The following CTNNA2 variants were observed in gnomAD, a reference collection of about 807,000 sequenced individuals.
CTNNA2 encodes catenin alpha-2.
CTNNA2 carries 42 observed loss-of-function variants against 101.0 expected under a neutral mutation model. That is an observed-to-expected ratio of 0.42 (90% confidence interval 0.32 to 0.54). The LOEUF is 0.54. Among genes scored for constraint, CTNNA2 ranks in the 20% least tolerant of loss-of-function variants. CTNNA2 has a pLI of 0.14. For synonymous variants in CTNNA2, 450 were observed against 456.4 expected (o/e 0.99, Z 0.18); for missense variants, 871 against 1,223.1 (o/e 0.71, Z 4.29).
intron 7 of CTNNA2, among the ~76,000 whole-genome samples, chr2:80,004,106 T>C (rs904807678): frequency 4.6e-5 from 7 of 152,200 alleles, no homozygotes; most frequent in Non-Finnish European, 7.3e-5. Context: ...AATTTTTTTT[T>C]AATCTCTTTG....
At chr2:80,277,186 G>A (rs1016378849) in intron 7 of CTNNA2, among the ~76,000 whole-genome samples, 4 of 152,014 alleles carry the variant, frequency 2.6e-5, no homozygotes, top group African/African-American at 9.7e-5. Context: ...TCAGGGAGGG[G>A]TGGGGGTGAA....
intron 1 of CTNNA2, among the ~76,000 whole-genome samples, chr2:79,535,723 A>G (rs1431740301): frequency 2.0e-5 from 3 of 152,084 alleles, no homozygotes; most frequent in African/African-American, 7.2e-5. Context: ...GCTTCCAGGG[A>G]CGGGTCAAAT....
intron 14 of CTNNA2, among the ~76,000 whole-genome samples, chr2:80,587,361 C>T (rs1696066680): frequency 6.6e-6 from 1 of 151,878 alleles, no homozygotes; most frequent in Non-Finnish European, 1.5e-5. Flanking sequence ...AAGAAATGAG[C>T]CAGAGGGGTA....
At chr2:79,682,732 A>C (rs1384711200) in intron 2 of CTNNA2, among the ~76,000 whole-genome samples, 1 of 152,066 alleles carries the variant, frequency 6.6e-6, no homozygotes, top group Non-Finnish European at 1.5e-5. Flanking sequence ...GTGCTTTGGT[A>C]TTTTTTATTT....
chr2:80,409,224 T>C (rs189354851), intron 8 of CTNNA2, among the ~76,000 whole-genome samples: 2 of 139,988 alleles, frequency 1.4e-5, no homozygotes, highest in Admixed American at 1.4e-4. Context: ...CTGGGCTAAG[T>C]TAGACATTGG....
At chr2:80,126,431 CT>C (rs1339304305) in intron 7 of CTNNA2, among the ~76,000 whole-genome samples, 4 of 151,804 alleles carry the variant, frequency 2.6e-5, no homozygotes, top group African/African-American at 9.7e-5. Context: ...TCTCTTTGCT[CT>C]AAATCTCTTA....
At position 79,447,770 on chromosome 2, in the gene CTNNA2, CAGCTCACAAT is replaced by C. The variant is rs963331046; in HGVS notation, c.-134-57282_-134-57273del. Among the ~76,000 whole-genome samples the C allele has an allele frequency of 5.3e-5, 8 of 152,052 alleles. No individual in the cohort carries two copies. The South Asian group carries it at 6.2e-4, about 12-fold the overall frequency. On this transcript the variant is annotated intron_variant, in intron 4 of 21. Coordinates refer to the CTNNA2 transcript ENST00000466387. ...TATGTAAAAGTGCTTACCCAATACT[CAGCTCACAAT>C]AAATGACCAGTACATTTGAATCTAA...
chr2:80,366,368 A>AC (rs1287202302), intron 7 of CTNNA2, among the ~76,000 whole-genome samples: 4 of 152,196 alleles, frequency 2.6e-5, no homozygotes, highest in Admixed American at 1.3e-4. Context: ...GTGCCTTGAT[A>AC]CTTGCATTGA....
intron 7 of CTNNA2, among the ~76,000 whole-genome samples, chr2:80,319,583 T>C (rs988989744): frequency 6.6e-6 from 1 of 152,186 alleles, no homozygotes; most frequent in Non-Finnish European, 1.5e-5. Flanking sequence ...TTTCAGAATC[T>C]CTAAGGGCTG....
intron 9 of CTNNA2, among the ~76,000 whole-genome samples, chr2:80,468,608 G>T (rs1055075454): frequency 1.2e-4 from 18 of 152,062 alleles, no homozygotes; most frequent in African/African-American, 4.1e-4. Context: ...AGTAGAGACG[G>T]GGTTTCGCCA....
chr2:79,219,934 C>G (rs1572985444), intron 2 of CTNNA2, among the ~76,000 whole-genome samples: 1 of 152,288 alleles, frequency 6.6e-6, no homozygotes, highest in East Asian at 1.9e-4. Flanking sequence ...TATTCGAAAG[C>G]GCTCTTTGCT....
At chr2:79,621,610 A>G (rs1679003343) in intron 1 of CTNNA2, among the ~76,000 whole-genome samples, 1 of 152,240 alleles carries the variant, frequency 6.6e-6, no homozygotes. Context: ...AAATAAATAA[A>G]TGAGGGAAAG....
At chr2:79,332,357 A>G (rs1676894612) in intron 3 of CTNNA2, among the ~76,000 whole-genome samples, 1 of 152,074 alleles carries the variant, frequency 6.6e-6, no homozygotes, top group Admixed American at 6.6e-5. Flanking sequence ...TGTAATCAGT[A>G]AGAAATAAGG....
At chr2:79,288,701 A>C (rs568095362) in intron 2 of CTNNA2, among the ~76,000 whole-genome samples, 2 of 152,260 alleles carry the variant, frequency 1.3e-5, no homozygotes, top group Admixed American at 1.3e-4. Context: ...TAAGGGAGAG[A>C]AATTAGAGGT....
chr2:80,152,182 T>G (rs546337472), intron 7 of CTNNA2, among the ~76,000 whole-genome samples: 2 of 152,362 alleles, frequency 1.3e-5, no homozygotes, highest in Admixed American at 6.5e-5. Flanking sequence ...TTAAGAATAC[T>G]TGATCCCAAT....
At chr2:79,448,041 C>T (rs1393263612) in intron 4 of CTNNA2, among the ~76,000 whole-genome samples, 1 of 151,918 alleles carries the variant, frequency 6.6e-6, no homozygotes, top group Non-Finnish European at 1.5e-5. Flanking sequence ...AGTTAATTTC[C>T]AGAAATAGTA....
chr2:80,624,170 G>C (rs1379803160), intron 18 of CTNNA2, among the ~76,000 whole-genome samples: 1 of 151,860 alleles, frequency 6.6e-6, no homozygotes, highest in Non-Finnish European at 1.5e-5. Context: ...CAATAATCCA[G>C]AGTAACATTT....
At chr2:80,125,460 A>G (rs1173911176) in intron 7 of CTNNA2, among the ~76,000 whole-genome samples, 1 of 152,278 alleles carries the variant, frequency 6.6e-6, no homozygotes, top group Middle Eastern at 3.4e-3. Flanking sequence ...TAGTTTTACC[A>G]GTCATTTGGC....
intron 3 of CTNNA2, among the ~76,000 whole-genome samples, chr2:79,805,120 G>A (rs897322198): frequency 1.3e-5 from 2 of 152,136 alleles, no homozygotes; most frequent in Non-Finnish European, 2.9e-5. Flanking sequence ...CTAGGAAAAG[G>A]CCTGTTCTTT....
Sources: gnomAD v4.1 joint callset for allele counts (sites outside exome capture counted in the v4.1 genomes callset) on GRCh38, gnomAD v4.1.1 for gene constraint, MANE v1.5 for transcripts, NCBI Gene and HGNC (gene_info 2026-07-23, HGNC 2026-07-21) for gene names.